CC2D2B: variants seen among roughly 807,000 people sequenced by gnomAD.
CC2D2B encodes the protein protein CC2D2B.
Under a neutral mutation model 161.2 loss-of-function variants are expected in CC2D2B, and 128 were observed. The observed-to-expected ratio is 0.79, with a 90% CI of 0.69 to 0.92. CC2D2B has a LOEUF of 0.92. Among genes scored for constraint, CC2D2B ranks in the 40% least tolerant of loss-of-function variants. The pLI is 0.00. For missense variants in CC2D2B, 1,173 were observed against 1,375.1 expected (o/e 0.85, Z 2.32); for synonymous variants, 391 against 449.8 (o/e 0.87, Z 1.65).
intron 30 of CC2D2B, 90 bp downstream of exon 30, chr10:96,016,404 A>G: frequency 1.2e-6 from 1 of 826,782 alleles, no homozygotes; most frequent in Non-Finnish European, 2.0e-6. Flanking sequence ...CCAGGTTTCC[A>G]TCTCTTCACA....
intron 24 of CC2D2B, chr10:95,999,942 C>T: frequency 1.8e-6 from 1 of 551,940 alleles, no homozygotes; most frequent in South Asian, 1.8e-5. Flanking sequence ...TTTCGGGAAG[C>T]TATCTCAGCT....
intron 11 of CC2D2B, among the ~76,000 whole-genome samples, chr10:95,958,598 T>C (rs2076660058): frequency 6.6e-6 from 1 of 152,008 alleles, no homozygotes; most frequent in African/African-American, 2.4e-5. Flanking sequence ...CTGAAAAGTA[T>C]AATTGAAATG....
chr10:96,023,781 C>T (rs946411465), intron 32 of CC2D2B, among the ~76,000 whole-genome samples: 74 of 152,174 alleles, frequency 4.9e-4, no homozygotes, highest in African/African-American at 1.4e-3. Flanking sequence ...TCAGAGCCAG[C>T]GGAAGGGGAG....
intron 24 of CC2D2B, among the ~76,000 whole-genome samples, chr10:96,001,444 A>C (rs981616033): frequency 3.9e-5 from 6 of 152,060 alleles, no homozygotes; most frequent in African/African-American, 1.4e-4. Flanking sequence ...TAGGATTTCT[A>C]TGCTTTATCT....
chr10:95,966,215 A>G lies in CC2D2B; in HGVS notation c.1379A>G (p.Glu460Gly). 8.2e-7 allele frequency: 1 copy of G among 1,225,304 alleles called. No homozygotes were observed. Among genetic ancestry groups the G allele is most frequent in the Non-Finnish European group, 1.0e-6 (1 of 982,008 alleles). 75.9% of individuals were successfully genotyped at this position (1,225,304 alleles called of 1,614,324 possible). A position where few individuals can be genotyped will look rare whatever the true frequency, so the allele number is the denominator to read the frequency against. The change falls in exon 14 of 35, where the codon GAA becomes GGA. Residue 460 changes from glutamate (E) to glycine (G), a missense_variant. Glu to Gly is a moderately conservative substitution (Grantham distance 98). Coordinates refer to ENST00000646931, the MANE Select transcript of CC2D2B (RefSeq NM_001349008.3). The stretch of plus-strand genomic sequence containing the variant: ...AGCCTCTCATATCTAGCTTCAGACG[A>G]AACAGAAATTGAAAGAATAAAGCCA... ...LESLSYLASD[E>G]TEIERIKPIT...
At chr10:95,916,832 T>G (rs1270725699) in intron 2 of CC2D2B, among the ~76,000 whole-genome samples, 1 of 152,212 alleles carries the variant, frequency 6.6e-6, no homozygotes, top group Non-Finnish European at 1.5e-5. Flanking sequence ...TTGAGCATGA[T>G]CCATGTGGTG....
intron 15 of CC2D2B, among the ~76,000 whole-genome samples, chr10:95,970,958 C>T (rs1420401733): frequency 6.6e-6 from 1 of 152,180 alleles, no homozygotes; most frequent in Admixed American, 6.5e-5. Flanking sequence ...GCTAATAAGT[C>T]ATCACTTTGA....
chr10:95,912,407 A>G (rs1391485040), intron 2 of CC2D2B, among the ~76,000 whole-genome samples: 1 of 152,276 alleles, frequency 6.6e-6, no homozygotes, highest in East Asian at 1.9e-4. Flanking sequence ...TAGAAATATG[A>G]TTTTGATGCT....
Position 95,961,873 on chromosome 10 carries a change from C to G in CC2D2B, c.1154C>G (p.Ser385Cys). 8.1e-7 allele frequency: 1 copy of G among 1,231,454 alleles called. No individual in the cohort carries two copies. The highest frequency in any genetic ancestry group is 1.0e-6 in the Non-Finnish European group (1 of 987,466). 76.3% of individuals were successfully genotyped at this position (1,231,454 alleles called of 1,614,324 possible). A position where few individuals can be genotyped will look rare whatever the true frequency, so the allele number is the denominator to read the frequency against. ...GACTTAGAAAGGGGAAAGGACCTCT[C>G]CCTACTACACAGTATATTACGAACT... ...MYDLERGKDL[S>C]LLHSILRTWK... Residue 385 changes from serine to cysteine, a missense_variant, in exon 12 of 35, where the codon TCC becomes TGC. Ser to Cys is a moderately radical substitution (Grantham distance 112). Coordinates refer to ENST00000646931, the MANE Select transcript of CC2D2B (RefSeq NM_001349008.3).
At chr10:96,017,166 C>A (rs1345724018) in intron 30 of CC2D2B, among the ~76,000 whole-genome samples, 3 of 152,194 alleles carry the variant, frequency 2.0e-5, no homozygotes, top group African/African-American at 7.2e-5. Flanking sequence ...TTATATGCTT[C>A]TTCTACATTT....
chr10:95,936,705 C>T (rs2075833315), intron 6 of CC2D2B, among the ~76,000 whole-genome samples: 1 of 152,096 alleles, frequency 6.6e-6, no homozygotes, highest in African/African-American at 2.4e-5. Context: ...TGGTCCAGAT[C>T]ACAGCTTGTC....
chr10:95,943,167 T>C (rs1023467407), intron 9 of CC2D2B, among the ~76,000 whole-genome samples: 6 of 152,144 alleles, frequency 3.9e-5, no homozygotes, highest in African/African-American at 4.8e-5. Context: ...CCATCCACAA[T>C]TGGAGTAGAC....
At chr10:96,025,172 TATATATA>T (rs2079666391) in intron 33 of CC2D2B, among the ~76,000 whole-genome samples, 1 of 17,626 alleles carries the variant, frequency 5.7e-5, no homozygotes, top group East Asian at 2.0e-3. Flanking sequence ...TATATATATA[TATATATA>T]TATATAAAAA....
chr10:96,024,886 A>G lies in CC2D2B; in HGVS notation c.3922A>G (p.Ser1308Gly), dbSNP rs1461546481. 6.5e-7 allele frequency: 1 copy of G among 1,532,136 alleles called. No individual in the cohort carries two copies. The highest frequency in any genetic ancestry group is 1.4e-5 in the African/African-American group (1 of 72,676). The allele number at this position is 1,532,136 out of a possible 1,614,324, so 94.9% of individuals were successfully genotyped here. ...EEIIYFETDK[S>G]MVEDLRNRIE... ...AATAATTTATTTTGAAACTGATAAA[A>G]GCATGGTAGAAGATCTAAGGAATAG... is the stretch of plus-strand genomic sequence containing the variant. Residue 1308 changes from serine to glycine, a missense_variant, in exon 33 of 35, where the codon AGC becomes GGC. By Grantham distance (56) the Ser-to-Gly change is moderately conservative (BLOSUM62 0). Coordinates refer to ENST00000646931, the MANE Select transcript of CC2D2B (RefSeq NM_001349008.3).
rs188987849 is a variant in CC2D2B at position 96,028,973 on chromosome 10, G to A, written c.4125+1584G>A. ...GAGAGTAGAAGCTTACCAGAGGCTG[G>A]GAAGGGGAGTGGGAGTTCAGAGGGA... On this transcript the variant is annotated intron_variant, in intron 34 of 34. Transcript: ENST00000646931. Among the ~76,000 whole-genome samples the A allele has an allele frequency of 2.6e-5, 4 of 152,058 alleles. No homozygotes were observed. In the East Asian group the frequency reaches 7.7e-4, roughly 29 times the overall value.
Position 96,013,838 on chromosome 10 carries a change from A to T in CC2D2B, c.3477A>T (p.Pro1159=), listed in dbSNP as rs1239506041. The change falls in exon 29 of 35, where the codon CCA becomes CCT. Residue 1159 remains proline (P), a synonymous_variant. Coordinates refer to ENST00000646931, the MANE Select transcript of CC2D2B (RefSeq NM_001349008.3). ...VSLIPFVPNT[P]DENDGSDIWM... is the part of the protein sequence containing the mutation. Reference sequence around the variant, plus strand: ...TGATTCCTTTTGTGCCTAATACACCAGATGAAAATGATGGCTCTGATATAT... The same window carrying T: ...TGATTCCTTTTGTGCCTAATACACCTGATGAAAATGATGGCTCTGATATAT... 6.2e-7 allele frequency: 1 copy of T among 1,600,284 alleles called. No individual in the cohort carries two copies. Among genetic ancestry groups the T allele is most frequent in the East Asian group, 2.3e-5 (1 of 44,094 alleles).
chr10:96,029,133 T>C (rs1233775598), intron 34 of CC2D2B, among the ~76,000 whole-genome samples: 1 of 151,064 alleles, frequency 6.6e-6, no homozygotes, highest in South Asian at 2.1e-4. Context: ...TTGAATTGTT[T>C]ATAACACAAA....
chr10:95,968,951 T>G, intron 15 of CC2D2B, 50 bp downstream of exon 15: 1 of 1,040,750 alleles, frequency 9.6e-7, no homozygotes, highest in Non-Finnish European at 1.2e-6. Flanking sequence ...CATACATAAT[T>G]TAAAATTTTT....
intron 34 of CC2D2B, among the ~76,000 whole-genome samples, chr10:96,029,643 C>G (rs975060066): frequency 6.6e-6 from 1 of 151,964 alleles, no homozygotes; most frequent in African/African-American, 2.4e-5. Context: ...AGATTTATCT[C>G]AGGACCCCCA....
Sources: allele counts gnomAD v4.1 joint callset (sites outside exome capture counted in the v4.1 genomes callset), GRCh38; gene constraint gnomAD v4.1.1; transcripts MANE v1.5; gene names NCBI Gene and HGNC (gene_info 2026-07-23, HGNC 2026-07-21).